The following SPATA22 variants were observed in gnomAD, a reference collection of about 807,000 sequenced individuals.
SPATA22 encodes spermatogenesis-associated protein 22.
In SPATA22, 29 loss-of-function variants were observed where a neutral mutation model predicts 47.8. The ratio of observed to expected loss-of-function variants is 0.61; its 90% CI spans 0.45 to 0.83. SPATA22 has a LOEUF of 0.83. Ranked by LOEUF, SPATA22 falls within the 40% of genes least tolerant of loss-of-function variation. The pLI, the probability that SPATA22 is intolerant of heterozygous loss-of-function variation, is 0.00. For synonymous variants in SPATA22, 133 were observed against 140.9 expected, an observed-to-expected ratio of 0.94 and a Z score of 0.40; for missense variants, 410 against 421.7, an observed-to-expected ratio of 0.97 and a Z score of 0.24.
At chr17:3,484,665 T>C (rs1567612683) in intron 1 of SPATA22, among the ~76,000 whole-genome samples, 1 of 152,242 alleles carries the variant, frequency 6.6e-6, no homozygotes, top group Non-Finnish European at 1.5e-5. Context: ...AATGGATTTC[T>C]AGAAAAACGA....
At chr17:3,474,369 G>A (rs940417260), upstream of SPATA22, among the ~76,000 whole-genome samples, 1 of 152,200 alleles carries the variant, frequency 6.6e-6, no homozygotes, top group Non-Finnish European at 1.5e-5. Context: ...CATTTCCAGA[G>A]AGACTAGGGC....
intron 1 of SPATA22, chr17:3,512,123 G>C (rs1299163191): frequency 6.6e-6 from 1 of 152,202 alleles, no homozygotes; most frequent in Admixed American, 6.5e-5. Context: ...GCAGTTGCTG[G>C]ATTCTGTTGA....
At chr17:3,494,212 C>G in intron 1 of SPATA22, 2 of 670,484 alleles carry the variant, frequency 3.0e-6, no homozygotes, top group Non-Finnish European at 5.6e-6. Flanking sequence ...CCATGTTGGC[C>G]AGGCTGTTCT....
chr17:3,484,319 A>G (rs959123207), intron 1 of SPATA22, among the ~76,000 whole-genome samples: 1 of 152,250 alleles, frequency 6.6e-6, no homozygotes, highest in Non-Finnish European at 1.5e-5. Context: ...AATGAGCAAG[A>G]CACACAGTCT....
At chr17:3,465,791 A>T (rs1257720541) in intron 3 of SPATA22, among the ~76,000 whole-genome samples, 4 of 73,590 alleles carry the variant, frequency 5.4e-5, no homozygotes, top group African/African-American at 1.3e-4. Context: ...ATAAAAATTT[A>T]AAAAACAAAA....
At chr17:3,476,300 G>A (rs2150741793), upstream of SPATA22, 1 of 1,614,146 alleles carries the variant, frequency 6.2e-7, no homozygotes, top group Non-Finnish European at 8.5e-7. Context: ...CAGGGCTGGA[G>A]GTAAAACCAT....
chr17:3,509,642 T>C (rs564059208), intron 1 of SPATA22, among the ~76,000 whole-genome samples: 3 of 152,238 alleles, frequency 2.0e-5, no homozygotes, highest in African/African-American at 7.2e-5. Flanking sequence ...GCATGTGTCT[T>C]TATAGTAGAA....
intron 1 of SPATA22, among the ~76,000 whole-genome samples, chr17:3,497,291 C>A (rs959738784): frequency 2.0e-5 from 3 of 152,082 alleles, no homozygotes; most frequent in Non-Finnish European, 4.4e-5. Flanking sequence ...GAAAAACCAC[C>A]GGTTCAGAGA....
intron 1 of SPATA22, chr17:3,471,316 C>T (rs2073429532): frequency 3.4e-6 from 2 of 595,498 alleles, no homozygotes; most frequent in Non-Finnish European, 4.2e-6. Context: ...GAGGGGCTTA[C>T]GAGGGCTATT....
intron 1 of SPATA22, among the ~76,000 whole-genome samples, chr17:3,491,881 T>TTC (rs1469028025): frequency 1.1e-4 from 16 of 145,658 alleles, no homozygotes; most frequent in African/African-American, 4.0e-4. Flanking sequence ...TGTTTTCTTT[T>TTC]TTTTTTTTTT....
At chr17:3,447,012 T>A (rs2072741336) in intron 6 of SPATA22, among the ~76,000 whole-genome samples, 1 of 152,126 alleles carries the variant, frequency 6.6e-6, no homozygotes, top group South Asian at 2.1e-4. Context: ...ACCTACTACA[T>A]GCCAAACATA....
intron 1 of SPATA22, among the ~76,000 whole-genome samples, chr17:3,498,154 T>C (rs2073938381): frequency 6.6e-6 from 1 of 152,212 alleles, no homozygotes; most frequent in Non-Finnish European, 1.5e-5. Flanking sequence ...CTCATTTTTA[T>C]ATTTCCCAAC....
intron 1 of SPATA22, among the ~76,000 whole-genome samples, chr17:3,497,369 GAAC>G (rs1183993945): frequency 6.6e-6 from 1 of 152,142 alleles, no homozygotes; most frequent in Non-Finnish European, 1.5e-5. Context: ...AGAAAACAGT[GAAC>G]TATAAATGGG....
chr17:3,473,556 T>C (rs912543184), upstream of SPATA22, among the ~76,000 whole-genome samples: 9 of 152,304 alleles, frequency 5.9e-5, no homozygotes, highest in African/African-American at 2.2e-4. Context: ...TGGAGTGCAA[T>C]GGCACAATCT....
chr17:3,469,228 T>C (rs1441567820), intron 2 of SPATA22, 55 bp downstream of exon 2: 2 of 795,816 alleles, frequency 2.5e-6, no homozygotes, highest in African/African-American at 3.5e-5. Flanking sequence ...ATCTATAAAC[T>C]ATACAAGCTT....
chr17:3,473,536 T>C (rs1019667260), upstream of SPATA22, among the ~76,000 whole-genome samples: 1 of 152,214 alleles, frequency 6.6e-6, no homozygotes, highest in African/African-American at 2.4e-5. Context: ...TTCGCTCTTG[T>C]TCCCCAGGTT....
chr17:3,456,590 T>C (rs1257325327), intron 5 of SPATA22, among the ~76,000 whole-genome samples: 1 of 152,124 alleles, frequency 6.6e-6, no homozygotes, highest in African/African-American at 2.4e-5. Flanking sequence ...CAGGACCAGA[T>C]GGATTCACAG....
chr17:3,481,044 G>C (rs1458827014), intron 1 of SPATA22, among the ~76,000 whole-genome samples: 1 of 151,970 alleles, frequency 6.6e-6, no homozygotes, highest in Non-Finnish European at 1.5e-5. Context: ...GATTGCTTGA[G>C]CCCAGGAGTT....
intron 7 of SPATA22, among the ~76,000 whole-genome samples, chr17:3,444,616 T>G (rs1358522100): frequency 1.3e-5 from 2 of 152,096 alleles, no homozygotes; most frequent in Admixed American, 1.3e-4. Context: ...GAGAAATCAC[T>G]GTGCCATCTC....
Sources: allele counts gnomAD v4.1 joint callset (sites outside exome capture counted in the v4.1 genomes callset), GRCh38; gene constraint gnomAD v4.1.1; transcripts MANE v1.5; gene names NCBI Gene and HGNC (gene_info 2026-07-23, HGNC 2026-07-21).